Variants in GFM1 observed in about 807,000 individuals in gnomAD.
The protein encoded by GFM1 is G elongation factor mitochondrial 1.
In GFM1, 62 loss-of-function variants were observed where a neutral mutation model predicts 96.2. The ratio of observed to expected loss-of-function variants is 0.64; its 90% CI spans 0.53 to 0.80. GFM1 has a LOEUF of 0.80. Among genes scored for constraint, GFM1 ranks in the 30% least tolerant of loss-of-function variants. The pLI, the probability that GFM1 is intolerant of heterozygous loss-of-function variation, is 0.00. For synonymous variants in GFM1, 282 were observed against 312.9 expected, an observed-to-expected ratio of 0.90 and a Z score of 1.04; for missense variants, 852 against 916.6, an observed-to-expected ratio of 0.93 and a Z score of 0.91.
chr3:158,659,132 GC>G, intron 9 of GFM1, 73 bp downstream of exon 9: 1 of 1,519,358 alleles, frequency 6.6e-7, no homozygotes, highest in Non-Finnish European at 9.1e-7. Context: ...GGTATCCTGA[GC>G]CCCACTAGAA....
intron 13 of GFM1, chr3:158,670,957 T>C (rs1385576786): frequency 1.3e-6 from 2 of 1,528,734 alleles, no homozygotes; most frequent in East Asian, 4.9e-5. Flanking sequence ...TTTAACTTAC[T>C]TTTTGTATAA....
At chr3:158,650,026 T>C in intron 5 of GFM1, 1 of 1,536,002 alleles carries the variant, frequency 6.5e-7, no homozygotes, top group African/African-American at 1.4e-5. Flanking sequence ...GGGATTTCCT[T>C]CCTCTGCTAT....
chr3:158,667,024 A>G (rs1466506280), intron 13 of GFM1: 1 of 1,596,664 alleles, frequency 6.3e-7, no homozygotes, highest in Non-Finnish European at 8.5e-7. Context: ...GAGATGCTAT[A>G]TTATGAAGTA....
chr3:158,667,702 C>A (rs550342426), intron 13 of GFM1, among the ~76,000 whole-genome samples: 28 of 152,028 alleles, frequency 1.8e-4, no homozygotes, highest in African/African-American at 6.5e-4. Context: ...GTGGGAGGAC[C>A]GCCTGAGCCT....
Position 158,691,198 on chromosome 3 carries a change from C to T in GFM1, c.2124+6C>T. Reference sequence around the variant, plus strand: ...AACTTAGGTCATGCACAGAGGTAGGCAAATTTAAACTTACCCTTCAAAAGA... The same window carrying T: ...AACTTAGGTCATGCACAGAGGTAGGTAAATTTAAACTTACCCTTCAAAAGA... On this transcript the variant is annotated splice_donor_region_variant and intron_variant, in intron 17 of 17. Transcript: ENST00000486715. 1 of 1,610,288 alleles carries T rather than the reference C, an allele frequency of 6.2e-7. No homozygotes were observed. The highest frequency in any genetic ancestry group is 1.3e-5 in the African/African-American group (1 of 74,940).
intron 8 of GFM1, chr3:158,656,789 T>A (rs1424289790): frequency 1.3e-5 from 2 of 152,228 alleles, no homozygotes; most frequent in Non-Finnish European, 2.9e-5. Context: ...TGACTTTGAG[T>A]ATGTCATTTG....
chr3:158,657,858 T>C (rs1722889020), intron 8 of GFM1, among the ~76,000 whole-genome samples: 1 of 152,192 alleles, frequency 6.6e-6, no homozygotes, highest in Non-Finnish European at 1.5e-5. Context: ...TATACTGTAC[T>C]CTGTGGGGTG....
chr3:158,664,079 T>C (rs1723412938), intron 11 of GFM1, among the ~76,000 whole-genome samples: 1 of 152,214 alleles, frequency 6.6e-6, no homozygotes, highest in African/African-American at 2.4e-5. Context: ...TTTCCTCACC[T>C]GTAAAATGTG....
At chr3:158,648,411 G>T (rs141626999) in intron 4 of GFM1, among the ~76,000 whole-genome samples, 2,232 of 152,242 alleles carry the variant, frequency 0.015, 42 homozygotes, top group African/African-American at 0.051. Context: ...GGGCGCGGTG[G>T]CTCACACCTG....
intron 13 of GFM1, among the ~76,000 whole-genome samples, chr3:158,671,965 A>G (rs933148212): frequency 1.2e-4 from 18 of 152,192 alleles, no homozygotes; most frequent in Non-Finnish European, 5.9e-5. Flanking sequence ...GTCTTGGAAG[A>G]TGGGAGCTTT....
intron 11 of GFM1, among the ~76,000 whole-genome samples, chr3:158,664,898 C>T (rs370716164): frequency 4.6e-5 from 7 of 152,190 alleles, no homozygotes; most frequent in South Asian, 2.1e-4. Context: ...CAAGTCTCAT[C>T]GTGGTATTTG....
chr3:158,672,007 A>G (rs1484604455), intron 13 of GFM1, among the ~76,000 whole-genome samples: 1 of 152,180 alleles, frequency 6.6e-6, no homozygotes, highest in Admixed American at 6.5e-5. Context: ...CAGATGAGAA[A>G]CGTGGCAGCC....
chr3:158,673,723 CA>C (rs1318532640), intron 13 of GFM1, among the ~76,000 whole-genome samples: 1 of 151,926 alleles, frequency 6.6e-6, no homozygotes, highest in East Asian at 1.9e-4. Flanking sequence ...AGGCTGGTCT[CA>C]AACTCCTGAC....
intron 11 of GFM1, among the ~76,000 whole-genome samples, chr3:158,663,824 G>A (rs1016355327): frequency 6.6e-6 from 1 of 152,122 alleles, no homozygotes; most frequent in South Asian, 2.1e-4. Flanking sequence ...TGTTGTTTTG[G>A]GGTTGTGTAT....
chr3:158,664,791 G>C (rs1242856641), intron 11 of GFM1, among the ~76,000 whole-genome samples: 1 of 152,136 alleles, frequency 6.6e-6, no homozygotes, highest in Non-Finnish European at 1.5e-5. Flanking sequence ...GGGTATCTTT[G>C]GAGGGCCATT....
chr3:158,672,111 G>A (rs1191296293), intron 13 of GFM1, among the ~76,000 whole-genome samples: 1 of 152,150 alleles, frequency 6.6e-6, no homozygotes, highest in South Asian at 2.1e-4. Context: ...AACTGTGTGC[G>A]TAAAAACTTT....
chr3:158,670,932 C>CAAGGAAA (rs1553850750), intron 13 of GFM1: 1 of 1,493,832 alleles, frequency 6.7e-7, no homozygotes. Flanking sequence ...GACCCTGTCT[C>CAAGGAAA]AAAGAAAAAA....
At chr3:158,652,868 A>G (rs1722407715) in intron 6 of GFM1, among the ~76,000 whole-genome samples, 1 of 152,212 alleles carries the variant, frequency 6.6e-6, no homozygotes, top group African/African-American at 2.4e-5. Context: ...CCATCTGCCC[A>G]GTTCTCTTCC....
At chr3:158,660,544 C>G in intron 9 of GFM1, 3 of 313,926 alleles carry the variant, frequency 9.6e-6, no homozygotes, top group South Asian at 8.6e-5. Context: ...CACCATGCCC[C>G]GCCAGTACAT....
Sources: allele counts gnomAD v4.1 joint callset (sites outside exome capture counted in the v4.1 genomes callset), GRCh38; gene constraint gnomAD v4.1.1; transcripts MANE v1.5; gene names NCBI Gene and HGNC (gene_info 2026-07-23, HGNC 2026-07-21).